Variants in TXNL1 observed in about 807,000 individuals in gnomAD.
The protein encoded by TXNL1 is thioredoxin-like protein 1.
Under a neutral mutation model 35.5 loss-of-function variants are expected in TXNL1, and 14 were observed. That is an observed-to-expected ratio of 0.39 (90% CI 0.26 to 0.62). The LOEUF is 0.62. TXNL1 is among the 20% of genes least tolerant of loss of function. TXNL1 has a pLI of 0.47. For synonymous variants in TXNL1, 110 were observed against 115.5 expected (o/e 0.95, Z 0.31); for missense variants, 263 against 349.7 (o/e 0.75, Z 1.98).
chr18:56,613,506 C>T (rs2024030006), intron 6 of TXNL1, among the ~76,000 whole-genome samples: 1 of 152,086 alleles, frequency 6.6e-6, no homozygotes. Flanking sequence ...TTAAAATCAC[C>T]TCAAGCACTA....
intron 4 of TXNL1, 127 bp downstream of exon 4, chr18:56,617,877 C>T: frequency 8.0e-7 from 1 of 1,249,584 alleles, no homozygotes; most frequent in Non-Finnish European, 1.1e-6. Flanking sequence ...AAACTAAAAG[C>T]TATAGAAATG....
At chr18:56,636,607 G>GTCCT (rs1568111621) in intron 1 of TXNL1, among the ~76,000 whole-genome samples, 83 of 152,176 alleles carry the variant, frequency 5.5e-4, no homozygotes, top group African/African-American at 1.9e-3. Context: ...CTTTTTAAAT[G>GTCCT]TAACAGTTCC....
intron 1 of TXNL1, among the ~76,000 whole-genome samples, chr18:56,629,650 T>A (rs2024340364): frequency 6.6e-6 from 1 of 152,220 alleles, no homozygotes; most frequent in African/African-American, 2.4e-5. Flanking sequence ...TAATTCTGCA[T>A]CCTTTGCTTT....
At chr18:56,626,338 G>GAA (rs747343236) in intron 2 of TXNL1, 23 bp downstream of exon 2, 1 of 1,578,380 alleles carries the variant, frequency 6.3e-7, no homozygotes, top group East Asian at 2.2e-5. Context: ...AAATTAAAAA[G>GAA]AAAAAAGATT....
chr18:56,620,960 T>C (rs190842901), intron 3 of TXNL1, among the ~76,000 whole-genome samples: 14 of 152,342 alleles, frequency 9.2e-5, no homozygotes, highest in Admixed American at 1.3e-4. Flanking sequence ...GAGCAAAGTT[T>C]TACTATAGCA....
intron 3 of TXNL1, among the ~76,000 whole-genome samples, chr18:56,622,197 C>T (rs990977608): frequency 1.5e-4 from 23 of 151,954 alleles, no homozygotes; most frequent in African/African-American, 5.1e-4. Flanking sequence ...TGCCTAGTGG[C>T]TACCATATTA....
Position 56,619,213 on chromosome 18 carries a change from CAAAAAAAAAAAAA to C in TXNL1, c.370-1100_370-1088del, listed in dbSNP as rs780757654. ...CAGGCAGCAGAGCAAGACCCTGTCT[CAAAAAAAAAAAAA>C]AAAAAAAAGTATAAACATTATATTT... On this transcript the variant is annotated intron_variant, in intron 3 of 7. Coordinates refer to ENST00000217515, the MANE Select transcript of TXNL1 (RefSeq NM_004786.3). 7.2e-4 allele frequency among the ~76,000 whole-genome samples: 47 copies of C among 64,968 alleles called. No homozygotes were observed. In the East Asian group the frequency reaches 0.017, roughly 23 times the overall value. 42.6% of individuals were successfully genotyped at this position (64,968 alleles called of 152,430 possible).
chr18:56,631,029 T>C (rs1348766062), intron 1 of TXNL1, among the ~76,000 whole-genome samples: 5 of 151,896 alleles, frequency 3.3e-5, no homozygotes, highest in Admixed American at 6.6e-5. Flanking sequence ...TACAGGCACG[T>C]GCCACCATAC....
chr18:56,630,133 T>C (rs1175184056), intron 1 of TXNL1, among the ~76,000 whole-genome samples: 1 of 150,640 alleles, frequency 6.6e-6, no homozygotes, highest in African/African-American at 2.5e-5. Flanking sequence ...CGGAAGGTTG[T>C]AGTTAAGCCA....
intron 1 of TXNL1, among the ~76,000 whole-genome samples, chr18:56,631,708 T>C (rs2024374084): frequency 6.6e-6 from 1 of 151,912 alleles, no homozygotes; most frequent in South Asian, 2.1e-4. Context: ...TCACCTGAGG[T>C]CAGGAGTTCG....
chr18:56,637,413 C>T (rs530130404), intron 1 of TXNL1, among the ~76,000 whole-genome samples: 1 of 152,318 alleles, frequency 6.6e-6, no homozygotes, highest in Non-Finnish European at 1.5e-5. Flanking sequence ...ACCTCTCATA[C>T]TTCTAACTAA....
At chr18:56,603,677 T>C (rs1488341356) in intron 7 of TXNL1, among the ~76,000 whole-genome samples, 2 of 152,180 alleles carry the variant, frequency 1.3e-5, no homozygotes, top group Admixed American at 6.5e-5. Context: ...TTGCTATATA[T>C]GTGGCAGCAT....
At chr18:56,618,274 TG>T in intron 3 of TXNL1, 148 bp from the exon 4 acceptor site, 3 of 819,838 alleles carry the variant, frequency 3.7e-6, no homozygotes, top group East Asian at 5.5e-5. Flanking sequence ...TCCTTTCATT[TG>T]CATTTCTGAC....
chr18:56,628,598 C>G (rs1011351943), intron 1 of TXNL1, among the ~76,000 whole-genome samples: 4 of 152,270 alleles, frequency 2.6e-5, no homozygotes, highest in Non-Finnish European at 5.9e-5. Flanking sequence ...TGACTACATA[C>G]AGTTCAAATA....
intron 5 of TXNL1, among the ~76,000 whole-genome samples, chr18:56,615,745 G>A (rs2024075509): frequency 6.6e-6 from 1 of 152,106 alleles, no homozygotes; most frequent in Non-Finnish European, 1.5e-5. Flanking sequence ...ATTTTAAAAT[G>A]AAAAAGTATA....
At chr18:56,613,042 G>A (rs568767603) in intron 6 of TXNL1, among the ~76,000 whole-genome samples, 1 of 152,048 alleles carries the variant, frequency 6.6e-6, no homozygotes, top group East Asian at 1.9e-4. Flanking sequence ...GTTTCACCAT[G>A]TTGCCCAGGC....
intron 1 of TXNL1, among the ~76,000 whole-genome samples, chr18:56,631,955 A>T (rs2024379361): frequency 6.6e-6 from 1 of 151,936 alleles, no homozygotes; most frequent in South Asian, 2.1e-4. Context: ...ACAAAACTAA[A>T]ACTTTAAAAC....
intron 1 of TXNL1, among the ~76,000 whole-genome samples, chr18:56,637,358 T>C (rs2144346851): frequency 6.6e-6 from 1 of 152,286 alleles, no homozygotes; most frequent in Middle Eastern, 3.4e-3. Flanking sequence ...TGCTCCAAGT[T>C]AGATGTATAA....
chr18:56,633,273 C>T (rs541621443), intron 1 of TXNL1, among the ~76,000 whole-genome samples: 75 of 151,880 alleles, frequency 4.9e-4, no homozygotes, highest in African/African-American at 1.7e-3. Flanking sequence ...CGGTGAAACC[C>T]CGTCTCTACT....
Sources: allele counts gnomAD v4.1 joint callset (sites outside exome capture counted in the v4.1 genomes callset), GRCh38; gene constraint gnomAD v4.1.1; transcripts MANE v1.5; gene names NCBI Gene and HGNC (gene_info 2026-07-23, HGNC 2026-07-21).